Variants in FRMD5 observed in about 807,000 individuals in gnomAD.
The protein encoded by FRMD5 is FERM domain containing 5, also known as FERM domain-containing protein 5.
A neutral mutation model predicts 69.0 loss-of-function variants in FRMD5; 20 were observed. That is an observed-to-expected ratio of 0.29 (90% confidence interval 0.20 to 0.42). The LOEUF is 0.42. Among genes scored for constraint, FRMD5 ranks in the 10% least tolerant of loss-of-function variants. The pLI is 1.00. For synonymous variants in FRMD5, 271 were observed against 260.1 expected, an observed-to-expected ratio of 1.04 and a Z score of -0.40; for missense variants, 595 against 708.6, an observed-to-expected ratio of 0.84 and a Z score of 1.82.
At chr15:43,951,368 G>A (rs568500992) in intron 1 of FRMD5, among the ~76,000 whole-genome samples, 16 of 150,546 alleles carry the variant, frequency 1.1e-4, no homozygotes, top group Non-Finnish European at 1.9e-4. Context: ...CTTGCAGTGA[G>A]CCAAGATCGC....
intron 1 of FRMD5, among the ~76,000 whole-genome samples, chr15:44,063,173 C>G (rs546824135): frequency 6.6e-6 from 1 of 152,052 alleles, no homozygotes; most frequent in Non-Finnish European, 1.5e-5. Context: ...ACTAGTACAA[C>G]GTATAAGTAA....
chr15:44,146,717 G>T (rs1208135095), intron 1 of FRMD5, among the ~76,000 whole-genome samples: 2 of 151,956 alleles, frequency 1.3e-5, no homozygotes, highest in Non-Finnish European at 2.9e-5. Context: ...ATCTCATTGT[G>T]GTTTTTATTT....
rs151277923 is a variant in FRMD5, at chr15:43,894,917, G to C, written c.640-2848C>G. ...TCGTGTTACCTACCTCATAGGTTAT[G>C]TTTAGGAGGCACCTCACAAATGCTA... is the stretch of plus-strand genomic sequence containing the variant. On this transcript the variant is annotated intron_variant, in intron 7 of 13. Coordinates refer to ENST00000417257, the MANE Select transcript of FRMD5 (RefSeq NM_032892.5). 2.0e-5 allele frequency among the ~76,000 whole-genome samples: 3 copies of C among 152,252 alleles called. No individual in the cohort carries two copies. In the East Asian group the frequency reaches 5.8e-4, roughly 29 times the overall value.
At chr15:44,079,609 G>T (rs1366777295) in intron 1 of FRMD5, among the ~76,000 whole-genome samples, 1 of 152,028 alleles carries the variant, frequency 6.6e-6, no homozygotes. Context: ...GCACTTCTGG[G>T]TATATACCCA....
At chr15:44,144,298 C>G (rs1008334316) in intron 1 of FRMD5, among the ~76,000 whole-genome samples, 3 of 152,146 alleles carry the variant, frequency 2.0e-5, no homozygotes, top group African/African-American at 4.8e-5. Flanking sequence ...GGAAAAGGAA[C>G]TTGTAAGTAA....
At chr15:43,913,434 C>G (rs954790677) in intron 4 of FRMD5, among the ~76,000 whole-genome samples, 1 of 152,244 alleles carries the variant, frequency 6.6e-6, no homozygotes, top group African/African-American at 2.4e-5. Flanking sequence ...TGCACCAGGG[C>G]TCCCCCTCCC....
At chr15:44,138,888 T>C (rs1017892536) in intron 1 of FRMD5, among the ~76,000 whole-genome samples, 2 of 152,132 alleles carry the variant, frequency 1.3e-5, no homozygotes, top group African/African-American at 4.8e-5. Flanking sequence ...ATGTTCAGAA[T>C]AGACAAATCT....
intron 1 of FRMD5, among the ~76,000 whole-genome samples, chr15:44,169,153 C>T (rs1360738843): frequency 1.3e-5 from 2 of 152,150 alleles, no homozygotes; most frequent in African/African-American, 4.8e-5. Context: ...CTCAGATTTA[C>T]TCTATTCACC....
At position 43,873,903 on chromosome 15, in the gene FRMD5, G is replaced by T. The variant is rs1170994073; in HGVS notation, c.1695C>A (p.Ser565Arg). 1 of 1,614,060 alleles carries T rather than the reference G, an allele frequency of 6.2e-7. No individual in the cohort carries two copies. The highest frequency in any genetic ancestry group is 1.7e-5 in the Admixed American group (1 of 60,024). The change falls in exon 14 of 14, where the codon AGC becomes AGA. Residue 565 changes from serine (S) to arginine (R), a missense_variant. Transcript: ENST00000417257. ...TGCCTTCTCAGGTGTCAATGAGCAG[G>T]CTCACCACTGAGCGGATTTTGCAGG... Reference protein sequence around the residue: ...WFACKIRSVVSLLIDT With the variant: ...WFACKIRSVVRLLIDT
intron 4 of FRMD5, chr15:43,918,987 C>T: frequency 3.7e-6 from 1 of 267,822 alleles, no homozygotes; most frequent in East Asian, 9.4e-5. Flanking sequence ...CCTGATCCAA[C>T]AGCACCACAG....
chr15:43,999,953 CATATATATATATATATAT>C (rs34872140), intron 1 of FRMD5, among the ~76,000 whole-genome samples: 6 of 82,896 alleles, frequency 7.2e-5, no homozygotes, highest in African/African-American at 3.8e-4. Context: ...ATATGCCATG[CATATATATATATATATAT>C]ATATATATAT....
At chr15:43,971,791 C>G (rs917455155) in intron 1 of FRMD5, among the ~76,000 whole-genome samples, 1 of 151,002 alleles carries the variant, frequency 6.6e-6, no homozygotes, top group African/African-American at 2.4e-5. Context: ...ACTGCAACCT[C>G]CATCTCCCGG....
chr15:44,182,612 C>T (rs1357577035), intron 1 of FRMD5, among the ~76,000 whole-genome samples: 4 of 152,102 alleles, frequency 2.6e-5, no homozygotes, highest in Non-Finnish European at 5.9e-5. Flanking sequence ...AGGTGTAAGC[C>T]ACCGCATCAG....
chr15:43,891,470 C>T (rs1391033449), intron 8 of FRMD5, among the ~76,000 whole-genome samples: 2 of 152,166 alleles, frequency 1.3e-5, no homozygotes, highest in Non-Finnish European at 2.9e-5. Flanking sequence ...TTTGCAGACA[C>T]GATGCCCACA....
chr15:44,023,247 C>T (rs1403902921), intron 1 of FRMD5, among the ~76,000 whole-genome samples: 9 of 152,244 alleles, frequency 5.9e-5, no homozygotes, highest in African/African-American at 2.2e-4. Context: ...CCTCAATTTC[C>T]CCAGGTCCCC....
chr15:43,968,039 GAAA>G (rs199861321), intron 1 of FRMD5, among the ~76,000 whole-genome samples: 1 of 124,732 alleles, frequency 8.0e-6, no homozygotes. Flanking sequence ...ACACTGATCT[GAAA>G]AAAAAAAAAA....
chr15:44,194,650 C>T (rs1050169827), intron 1 of FRMD5: 2 of 444,282 alleles, frequency 4.5e-6, no homozygotes, highest in Non-Finnish European at 8.1e-6. Flanking sequence ...AAAGGTGCAC[C>T]TTACTCGGGC....
chr15:43,996,254 C>T (rs1000439977), intron 1 of FRMD5, among the ~76,000 whole-genome samples: 1 of 152,084 alleles, frequency 6.6e-6, no homozygotes, highest in African/African-American at 2.4e-5. Context: ...GACTTGGAAG[C>T]CTAGTCTGTA....
In FRMD5 at chr15:43,884,739, G is replaced by A. The variant is rs774105837; in HGVS notation, c.1016C>T (p.Pro339Leu). 5.6e-6 allele frequency: 9 copies of A among 1,613,808 alleles called. No individual in the cohort carries two copies. The highest frequency in any genetic ancestry group is 1.6e-4 in the Middle Eastern group (1 of 6,084). ...ESSAKIKREP[P>L]EIHRAGMVPS... ...CCTGGCAGCCTACCTGTGTATTTCC[G>A]GTGGCTCCCGTTTGATCTTAGCACT... The change falls in exon 12 of 14, where the codon CCG (proline) becomes CTG (leucine). Residue 339 changes from proline to leucine, a missense_variant. Around this residue, in one of 5 missense-constraint regions of FRMD5, gnomAD observed 176 missense variants for 266.3 expected, o/e 0.66. Transcript: ENST00000417257.
Sources: allele counts gnomAD v4.1 joint callset (sites outside exome capture counted in the v4.1 genomes callset), GRCh38; gene constraint gnomAD v4.1.1; regional missense constraint gnomAD v4.1.1; transcripts MANE v1.5; gene names NCBI Gene and HGNC (gene_info 2026-07-23, HGNC 2026-07-21).